Variants in HPR observed in about 807,000 individuals in gnomAD.
HPR encodes the protein Haptoglobin-related locus.
Under a neutral mutation model 18.5 loss-of-function variants are expected in HPR, and 17 were observed. The ratio of observed to expected loss-of-function variants is 0.92; its 90% CI spans 0.63 to 1.38. HPR has a LOEUF of 1.38. Ranked by LOEUF, HPR falls within the 40% of genes most tolerant of loss-of-function variation. HPR has a pLI of 0.00. For missense variants in HPR, 457 were observed against 432.4 expected, an observed-to-expected ratio of 1.06 and a Z score of -0.51; for synonymous variants, 176 against 165.0, an observed-to-expected ratio of 1.07 and a Z score of -0.51.
In HPR at chr16:72,073,979, T is replaced by C. The variant is rs1377186428; in HGVS notation, c.91+2T>C. On this transcript the variant is annotated splice_donor_variant, in intron 2 of 4. Coordinates refer to ENST00000540303, the MANE Select transcript of HPR (RefSeq NM_020995.4). LOFTEE classifies it high-confidence loss of function. ...GCAATGATGTCACGGATATTTCAGG[T>C]CAGTCTTTGAGTTGGGTAGGAGCAT... 2 of 1,614,050 alleles carry C rather than the reference T, an allele frequency of 1.2e-6. No homozygotes were observed. Among genetic ancestry groups the C allele is most frequent in the African/African-American group, 2.7e-5 (2 of 75,034 alleles).
chr16:72,072,632 T>C (rs2041669501), intron 1 of HPR, among the ~76,000 whole-genome samples: 2 of 152,122 alleles, frequency 1.3e-5, no homozygotes. Flanking sequence ...TCCTCATGTC[T>C]CTTGCCATCA....
chr16:72,065,132 T>C (rs974219169), intron 1 of HPR, among the ~76,000 whole-genome samples: 2 of 152,188 alleles, frequency 1.3e-5, no homozygotes, highest in African/African-American at 4.8e-5. Flanking sequence ...GGTTACCTCA[T>C]ACGGCTTAGC....
At chr16:72,066,264 GT>G (rs1337683876) in intron 1 of HPR, among the ~76,000 whole-genome samples, 1 of 152,180 alleles carries the variant, frequency 6.6e-6, no homozygotes, top group Admixed American at 6.5e-5. Context: ...CCCCTATGGA[GT>G]GGCAGATCAA....
intron 1 of HPR, among the ~76,000 whole-genome samples, chr16:72,072,227 C>G (rs1434031726): frequency 6.6e-6 from 1 of 152,128 alleles, no homozygotes; most frequent in Non-Finnish European, 1.5e-5. Flanking sequence ...AGGCTGGTCT[C>G]AAACTCCCGA....
intron 3 of HPR, chr16:72,074,700 T>A (rs1463548456): frequency 1.4e-6 from 1 of 706,056 alleles, no homozygotes; most frequent in East Asian, 2.7e-5. Flanking sequence ...CACCCTCACC[T>A]AGTGAGTCTT....
intron 1 of HPR, among the ~76,000 whole-genome samples, chr16:72,066,374 G>C (rs2041598306): frequency 6.6e-6 from 1 of 152,104 alleles, no homozygotes; most frequent in Non-Finnish European, 1.5e-5. Flanking sequence ...TGATCCGTAG[G>C]GCTGCTATGG....
chr16:72,075,693 G>C (rs1439311570), intron 4 of HPR, among the ~76,000 whole-genome samples: 1 of 152,238 alleles, frequency 6.6e-6, no homozygotes, highest in African/African-American at 2.4e-5. Flanking sequence ...TCTGCTGTGA[G>C]TGGTGTGGAA....
At chr16:72,073,045 T>C (rs2041674249) in intron 1 of HPR, among the ~76,000 whole-genome samples, 2 of 152,114 alleles carry the variant, frequency 1.3e-5, no homozygotes, top group African/African-American at 4.8e-5. Flanking sequence ...ACTCTGTGAA[T>C]TACCCCTCCC....
chr16:72,066,427 C>T (rs546024935), intron 1 of HPR, among the ~76,000 whole-genome samples: 1 of 152,308 alleles, frequency 6.6e-6, no homozygotes, highest in Admixed American at 6.5e-5. Flanking sequence ...AACGTTCCTA[C>T]TGTGGACCAA....
At chr16:72,071,976 G>A (rs376801063) in intron 1 of HPR, among the ~76,000 whole-genome samples, 1 of 152,042 alleles carries the variant, frequency 6.6e-6, no homozygotes, top group Admixed American at 6.6e-5. Flanking sequence ...AAATAAAAAT[G>A]TGAATTAGAT....
intron 1 of HPR, among the ~76,000 whole-genome samples, chr16:72,064,791 C>A (rs1222792468): frequency 1.3e-5 from 2 of 152,170 alleles, no homozygotes; most frequent in Non-Finnish European, 2.9e-5. Context: ...TTTGGTGGCC[C>A]ATACAGGGAA....
chr16:72,063,921 T>G (rs2041569386), intron 1 of HPR, among the ~76,000 whole-genome samples: 1 of 152,134 alleles, frequency 6.6e-6, no homozygotes. Flanking sequence ...TTTTGTATTT[T>G]TAGTAGCGAT....
chr16:72,065,052 G>T (rs1481317183), intron 1 of HPR, among the ~76,000 whole-genome samples: 2 of 152,168 alleles, frequency 1.3e-5, no homozygotes, highest in African/African-American at 4.8e-5. Context: ...TATTCTGGTG[G>T]CTGAAAGTTC....
At chr16:72,073,035 ACT>A (rs2041674079) in intron 1 of HPR, among the ~76,000 whole-genome samples, 1 of 151,814 alleles carries the variant, frequency 6.6e-6, no homozygotes, top group Admixed American at 6.6e-5. Flanking sequence ...TCTGCTACCC[ACT>A]CTGTGAATTA....
At chr16:72,071,145 G>A (rs1038284114) in intron 1 of HPR, among the ~76,000 whole-genome samples, 11 of 152,084 alleles carry the variant, frequency 7.2e-5, no homozygotes, top group Non-Finnish European at 1.0e-4. Flanking sequence ...TCTGGGAAAC[G>A]AGTGGAATCT....
chr16:72,067,646 G>A (rs1161748031), intron 1 of HPR, among the ~76,000 whole-genome samples: 2 of 152,170 alleles, frequency 1.3e-5, no homozygotes, highest in Admixed American at 6.5e-5. Context: ...ACCCCGCACT[G>A]GGAAGTAGTG....
intron 3 of HPR, 69 bp from the exon 4 acceptor site, chr16:72,075,076 T>A: frequency 1.4e-6 from 1 of 693,136 alleles, no homozygotes; most frequent in South Asian, 1.7e-5. Flanking sequence ...TCTCCTTAAA[T>A]GCCTTCTCAC....
chr16:72,076,925 G>A lies in HPR; in HGVS notation c.891G>A (p.Ala297=), dbSNP rs543716186. Residue 297 remains alanine (A), a synonymous_variant, in exon 5 of 5, where the codon GCG becomes GCA. Transcript: ENST00000540303. The part of the protein sequence containing the change: ...KYQEDTCYGD[A]GSAFAVHDLE... Reference sequence around the variant, plus strand: ...AGGAAGACACCTGCTATGGCGATGCGGGCAGTGCCTTTGCCGTTCACGACC... The same window carrying A: ...AGGAAGACACCTGCTATGGCGATGCAGGCAGTGCCTTTGCCGTTCACGACC... 51 of 1,614,198 alleles carry A rather than the reference G, an allele frequency of 3.2e-5. No homozygotes were observed. In the East Asian group the frequency reaches 3.3e-4, roughly 11 times the overall value.
In HPR at chr16:72,069,661, A is replaced by G. The variant is rs543086495; in HGVS notation, c.6-4231A>G. Among the ~76,000 whole-genome samples the G allele has an allele frequency of 3.9e-5, 6 of 152,322 alleles. No individual in the cohort carries two copies. In the South Asian group the frequency reaches 1.2e-3, roughly 32 times the overall value. On this transcript the variant is annotated intron_variant, in intron 1 of 4. Coordinates refer to ENST00000540303, the MANE Select transcript of HPR (RefSeq NM_020995.4). ...TGCAGTTCTCAGGGTCTATGGATGTATAAGAATTTACACCCTAGCCAAACA... is the reference window on the plus strand; with the variant it reads ...TGCAGTTCTCAGGGTCTATGGATGTGTAAGAATTTACACCCTAGCCAAACA...
Sources: gnomAD v4.1 joint callset for allele counts (sites outside exome capture counted in the v4.1 genomes callset) on GRCh38, gnomAD v4.1.1 for gene constraint, MANE v1.5 for transcripts, NCBI Gene and HGNC (gene_info 2026-07-23, HGNC 2026-07-21) for gene names.